LINGO2: variants seen among roughly 807,000 people sequenced by gnomAD.
LINGO2 encodes the protein leucine-rich repeat and immunoglobulin-like domain-containing nogo receptor-interacting protein 2.
Under a neutral mutation model 30.6 loss-of-function variants are expected in LINGO2, and 14 were observed. That is an observed-to-expected ratio of 0.46 (90% CI 0.30 to 0.72). The LOEUF (loss-of-function observed/expected upper bound fraction) is 0.72. Ranked by LOEUF, LINGO2 falls within the 30% of genes least tolerant of loss-of-function variation. The pLI, the probability that LINGO2 is intolerant of heterozygous loss-of-function variation, is 0.07. For synonymous variants in LINGO2, 317 were observed against 288.5 expected (o/e 1.10, Z -1.00); for missense variants, 729 against 751.7 (o/e 0.97, Z 0.35).
chr9:28,587,112 A>G (rs1360098566), intron 1 of LINGO2, among the ~76,000 whole-genome samples: 1 of 151,972 alleles, frequency 6.6e-6, no homozygotes, highest in African/African-American at 2.4e-5. Context: ...GCACATTGGG[A>G]ACTGAAAGTT....
chr9:28,342,262 TC>T (rs1184619087), intron 3 of LINGO2, among the ~76,000 whole-genome samples: 3 of 152,170 alleles, frequency 2.0e-5, no homozygotes, highest in Non-Finnish European at 4.4e-5. Context: ...TTGTTACTTG[TC>T]CTTGATCTTT....
the LINGO2 span, among the ~76,000 whole-genome samples, chr9:28,971,355 G>C: frequency 2.0e-5 from 3 of 152,154 alleles, no homozygotes; most frequent in Non-Finnish European, 4.4e-5. Context: ...TAGATTCTAG[G>C]ACTTGACTCT....
At chr9:28,855,054 G>T in the LINGO2 span, among the ~76,000 whole-genome samples, 959 of 151,868 alleles carry the variant, frequency 6.3e-3, 10 homozygotes, top group African/African-American at 0.022. Flanking sequence ...CCACCTTTAG[G>T]CTCCTGACCA....
At chr9:28,166,169 A>G (rs1167225634) in intron 4 of LINGO2, among the ~76,000 whole-genome samples, 1 of 152,226 alleles carries the variant, frequency 6.6e-6, no homozygotes, top group African/African-American at 2.4e-5. Context: ...GCATATAAGG[A>G]TGAAAGAAAC....
chr9:28,456,050 G>T (rs1824834000), intron 2 of LINGO2, among the ~76,000 whole-genome samples: 1 of 151,948 alleles, frequency 6.6e-6, no homozygotes, highest in African/African-American at 2.4e-5. Flanking sequence ...TTCAAACTTT[G>T]TTTCTCAAAT....
the LINGO2 span, among the ~76,000 whole-genome samples, chr9:28,714,334 G>C: frequency 6.6e-6 from 1 of 151,666 alleles, no homozygotes; most frequent in Non-Finnish European, 1.5e-5. Context: ...AATACCAGCA[G>C]GATCCCAATC....
At chr9:28,788,605 G>C in the LINGO2 span, among the ~76,000 whole-genome samples, 1 of 152,122 alleles carries the variant, frequency 6.6e-6, no homozygotes, top group African/African-American at 2.4e-5. Context: ...AGCATGGCTG[G>C]GGAGGCCTCA....
the LINGO2 span, among the ~76,000 whole-genome samples, chr9:28,948,593 T>TCC: frequency 6.6e-6 from 1 of 152,094 alleles, no homozygotes; most frequent in South Asian, 2.1e-4. Context: ...CAAGAAATTA[T>TCC]ACTACAATCA....
intron 1 of LINGO2, among the ~76,000 whole-genome samples, chr9:28,568,596 G>T (rs1485995427): frequency 2.0e-5 from 3 of 151,664 alleles, no homozygotes; most frequent in Non-Finnish European, 4.4e-5. Context: ...AGCAGCAAGA[G>T]AAAAAAGACT....
intron 4 of LINGO2, among the ~76,000 whole-genome samples, chr9:28,079,180 T>C (rs1825706978): frequency 7.4e-6 from 1 of 135,204 alleles, no homozygotes; most frequent in South Asian, 2.1e-4. Context: ...CAATCCCAAC[T>C]GCCTAAAAAG....
intron 4 of LINGO2, among the ~76,000 whole-genome samples, chr9:28,059,598 T>C (rs1275299880): frequency 6.6e-6 from 1 of 152,130 alleles, no homozygotes; most frequent in African/African-American, 2.4e-5. Context: ...TCAGGCTTAC[T>C]AGAATTCAAC....
the LINGO2 span, among the ~76,000 whole-genome samples, chr9:29,161,920 T>G: frequency 2.0e-5 from 3 of 151,732 alleles, no homozygotes; most frequent in Non-Finnish European, 4.4e-5. Flanking sequence ...ATTCTTCAGA[T>G]GTGTTTTTTT....
the LINGO2 span, among the ~76,000 whole-genome samples, chr9:28,994,178 T>C: frequency 6.6e-6 from 1 of 152,130 alleles, no homozygotes; most frequent in Non-Finnish European, 1.5e-5. Context: ...AGTCTCAGGA[T>C]ACAACATCAA....
the LINGO2 span, among the ~76,000 whole-genome samples, chr9:28,884,941 T>C: frequency 2.3e-3 from 45 of 19,800 alleles, no homozygotes; most frequent in South Asian, 8.8e-3. Flanking sequence ...TTATATATAA[T>C]ATATATAATA....
intron 4 of LINGO2, among the ~76,000 whole-genome samples, chr9:28,103,539 T>C (rs953939707): frequency 6.6e-6 from 1 of 152,124 alleles, no homozygotes; most frequent in African/African-American, 2.4e-5. Context: ...CTTGCCCTCA[T>C]TGCCCCATAG....
intron 1 of LINGO2, among the ~76,000 whole-genome samples, chr9:28,497,339 T>C (rs1442741160): frequency 6.6e-6 from 1 of 152,220 alleles, no homozygotes; most frequent in Non-Finnish European, 1.5e-5. Flanking sequence ...CCCATATTTC[T>C]TGGAGGCTTT....
At chr9:28,181,368 C>T (rs1439827205) in intron 4 of LINGO2, among the ~76,000 whole-genome samples, 3 of 152,148 alleles carry the variant, frequency 2.0e-5, no homozygotes, top group Non-Finnish European at 4.4e-5. Context: ...ATAATGTTGC[C>T]TCATTATCAT....
chr9:28,419,247 T>A (rs1823090268), intron 2 of LINGO2, among the ~76,000 whole-genome samples: 1 of 152,140 alleles, frequency 6.6e-6, no homozygotes, highest in Non-Finnish European at 1.5e-5. Flanking sequence ...TATTTGATCT[T>A]CCAGCTTTGC....
chr9:28,159,451 T>C (rs1049207587), intron 4 of LINGO2, among the ~76,000 whole-genome samples: 1 of 152,152 alleles, frequency 6.6e-6, no homozygotes. Flanking sequence ...TTTTTCAATT[T>C]TCATTTTTCA....
Sources: gnomAD v4.1 joint callset for allele counts (sites outside exome capture counted in the v4.1 genomes callset) on GRCh38, gnomAD v4.1.1 for gene constraint, MANE v1.5 for transcripts, NCBI Gene and HGNC (gene_info 2026-07-23, HGNC 2026-07-21) for gene names.